ADGRB3: variants seen among roughly 807,000 people sequenced by gnomAD.
ADGRB3 encodes brain-specific angiogenesis inhibitor 3.
ADGRB3 carries 37 observed loss-of-function variants against 193.4 expected under a neutral mutation model. The ratio of observed to expected loss-of-function variants is 0.19; its 90% confidence interval spans 0.15 to 0.25. The LOEUF (loss-of-function observed/expected upper bound fraction) is 0.25. Ranked by LOEUF, ADGRB3 falls within the 10% of genes least tolerant of loss-of-function variation. The pLI, the probability that ADGRB3 is intolerant of heterozygous loss-of-function variation, is 1.00. For synonymous variants in ADGRB3, 690 were observed against 644.2 expected (o/e 1.07, Z -1.08); for missense variants, 1,637 against 1,852.9 (o/e 0.88, Z 2.14).
intron 17 of ADGRB3, among the ~76,000 whole-genome samples, chr6:69,101,080 G>C (rs1394863526): frequency 1.3e-5 from 2 of 151,496 alleles, no homozygotes; most frequent in Non-Finnish European, 2.9e-5. Flanking sequence ...ATTAAAATAA[G>C]ATTTTATGTC....
chr6:69,146,375 C>T (rs1174595393), intron 17 of ADGRB3, among the ~76,000 whole-genome samples: 2 of 152,356 alleles, frequency 1.3e-5, no homozygotes, highest in Non-Finnish European at 2.9e-5. Context: ...ACAGGCACTT[C>T]TGAGCCTGAG....
chr6:68,682,473 A>G (rs1764912932), intron 3 of ADGRB3, among the ~76,000 whole-genome samples: 1 of 152,212 alleles, frequency 6.6e-6, no homozygotes. Flanking sequence ...CATATAATGC[A>G]CTGCACAAGT....
chr6:68,818,922 T>A (rs1767689003), intron 3 of ADGRB3, among the ~76,000 whole-genome samples: 1 of 130,384 alleles, frequency 7.7e-6, no homozygotes, highest in African/African-American at 3.0e-5. Context: ...CTATGAAAGA[T>A]TGATAAGTAC....
intron 11 of ADGRB3, among the ~76,000 whole-genome samples, chr6:69,003,720 C>A (rs548803918): frequency 3.3e-5 from 5 of 152,032 alleles, no homozygotes; most frequent in South Asian, 2.1e-4. Flanking sequence ...AATTTAATGG[C>A]AAATAACTTT....
intron 20 of ADGRB3, among the ~76,000 whole-genome samples, chr6:69,273,905 G>A (rs560818835): frequency 1.3e-4 from 20 of 152,252 alleles, no homozygotes; most frequent in African/African-American, 4.8e-4. Flanking sequence ...GCCACCTGAG[G>A]TGTAGTTAGA....
chr6:69,355,003 A>G (rs564466770), intron 27 of ADGRB3, among the ~76,000 whole-genome samples: 3 of 152,312 alleles, frequency 2.0e-5, no homozygotes, highest in Admixed American at 6.5e-5. Context: ...TCAATTTATT[A>G]TTAACTTTTT....
At chr6:68,687,381 G>A (rs1765001294) in intron 3 of ADGRB3, among the ~76,000 whole-genome samples, 1 of 151,918 alleles carries the variant, frequency 6.6e-6, no homozygotes, top group Admixed American at 6.6e-5. Flanking sequence ...AACTATGCAT[G>A]GATTTGCAAT....
At chr6:69,228,284 A>C (rs2127254317) in intron 17 of ADGRB3, among the ~76,000 whole-genome samples, 1 of 152,308 alleles carries the variant, frequency 6.6e-6, no homozygotes, top group Non-Finnish European at 1.5e-5. Flanking sequence ...TCATTACATG[A>C]GCTGAACATT....
intron 3 of ADGRB3, among the ~76,000 whole-genome samples, chr6:68,910,220 G>A (rs1015919688): frequency 1.3e-5 from 2 of 152,180 alleles, no homozygotes; most frequent in African/African-American, 4.8e-5. Context: ...AGAAGTGTCT[G>A]TTCATAGCCT....
In ADGRB3 at chr6:68,772,887, AAAAAAAAATATAT is replaced by A. The variant is rs1294795407; in HGVS notation, c.757+133457_757+133469del. On this transcript the variant is annotated intron_variant, in intron 3 of 31. Coordinates refer to ENST00000370598, the MANE Select transcript of ADGRB3 (RefSeq NM_001704.3). ...CAAACAAACAAACAAACAAACAAAA[AAAAAAAAATATAT>A]ATATATATATATATATATATATATA... 1.1e-3 allele frequency among the ~76,000 whole-genome samples: 55 copies of A among 48,282 alleles called. 1 individual carries two copies. The East Asian group carries it at 0.016, about 14-fold the overall frequency. The allele number at this position is 48,282 out of a possible 152,430, so 31.7% of individuals were successfully genotyped here. A position where few individuals can be genotyped will look rare whatever the true frequency, so the allele number is the denominator to read the frequency against.
intron 17 of ADGRB3, among the ~76,000 whole-genome samples, chr6:69,112,328 A>G (rs1206187653): frequency 6.6e-6 from 1 of 152,232 alleles, no homozygotes; most frequent in Non-Finnish European, 1.5e-5. Context: ...AGTTTCTTTT[A>G]GGAATTATGG....
chr6:68,760,578 C>T (rs1766378320), intron 3 of ADGRB3, among the ~76,000 whole-genome samples: 1 of 152,176 alleles, frequency 6.6e-6, no homozygotes, highest in South Asian at 2.1e-4. Flanking sequence ...TCAGGTTCAA[C>T]TCATCTTGCT....
At chr6:69,192,241 C>T (rs562208784) in intron 17 of ADGRB3, among the ~76,000 whole-genome samples, 36 of 152,248 alleles carry the variant, frequency 2.4e-4, no homozygotes, top group African/African-American at 8.2e-4. Context: ...CTTCAGTCTG[C>T]GGTCAAAGGT....
chr6:68,744,136 A>C (rs2127343439), intron 3 of ADGRB3, among the ~76,000 whole-genome samples: 1 of 152,226 alleles, frequency 6.6e-6, no homozygotes, highest in South Asian at 2.1e-4. Flanking sequence ...GAATGAAGGA[A>C]AAGAAGAAAA....
intron 10 of ADGRB3, among the ~76,000 whole-genome samples, chr6:68,982,685 A>C (rs1768953021): frequency 6.6e-6 from 1 of 152,180 alleles, no homozygotes; most frequent in Non-Finnish European, 1.5e-5. Flanking sequence ...AGAAGTCTTC[A>C]TCCTATCTCC....
At position 68,949,675 on chromosome 6, in the gene ADGRB3, TA is replaced by T. The variant is rs752179508; in HGVS notation, c.1195+5683del. The stretch of plus-strand genomic sequence containing the variant: ...ATTTGTAACTCAAATACTGCCTCAT[TA>T]ACCTGTTCTTTAATTGATATGGATT... On this transcript the variant is annotated intron_variant, in intron 6 of 31. Coordinates refer to ENST00000370598, the MANE Select transcript of ADGRB3 (RefSeq NM_001704.3). 5.3e-5 allele frequency among the ~76,000 whole-genome samples: 8 copies of T among 152,306 alleles called. No individual in the cohort carries two copies. In the East Asian group the frequency reaches 1.5e-3, roughly 29 times the overall value.
chr6:68,934,986 C>G (rs898586106), intron 4 of ADGRB3, among the ~76,000 whole-genome samples: 4 of 152,152 alleles, frequency 2.6e-5, no homozygotes, highest in African/African-American at 9.7e-5. Flanking sequence ...TTGATGTAAT[C>G]TGTCATCCCA....
At chr6:69,242,927 G>A (rs1766415224) in intron 20 of ADGRB3, among the ~76,000 whole-genome samples, 1 of 151,874 alleles carries the variant, frequency 6.6e-6, no homozygotes, top group Non-Finnish European at 1.5e-5. Context: ...GTTGAGCTGA[G>A]TAGACTATTT....
intron 3 of ADGRB3, among the ~76,000 whole-genome samples, chr6:68,812,709 T>A (rs989734060): frequency 4.6e-5 from 7 of 151,984 alleles, no homozygotes; most frequent in African/African-American, 1.5e-4. Flanking sequence ...AATTCTGGGG[T>A]ACATGTGCAG....
Sources: allele counts gnomAD v4.1 joint callset (sites outside exome capture counted in the v4.1 genomes callset), GRCh38; gene constraint gnomAD v4.1.1; transcripts MANE v1.5; gene names NCBI Gene and HGNC (gene_info 2026-07-23, HGNC 2026-07-21).